The following TGFB2 variants were observed in gnomAD, a reference collection of about 807,000 sequenced individuals.
The protein encoded by TGFB2 is transforming growth factor beta 2, also known as transforming growth factor beta-2 proprotein.
In TGFB2, 13 loss-of-function variants were observed where a neutral mutation model predicts 42.7. That is an observed-to-expected ratio of 0.30 (90% CI 0.20 to 0.48). The LOEUF is 0.48. Among genes scored for constraint, TGFB2 ranks in the 20% least tolerant of loss-of-function variants. TGFB2 has a pLI of 0.99. For missense variants in TGFB2, 390 were observed against 517.5 expected, an observed-to-expected ratio of 0.75 and a Z score of 2.39; for synonymous variants, 193 against 193.6, an observed-to-expected ratio of 1.00 and a Z score of 0.03.
chr1:218,429,839 G>A (rs970346002), intron 2 of TGFB2, among the ~76,000 whole-genome samples: 1 of 152,134 alleles, frequency 6.6e-6, no homozygotes. Context: ...ACAAGTCCAA[G>A]TGTCATAAGC....
At chr1:218,383,304 A>T (rs528120077) in intron 1 of TGFB2, among the ~76,000 whole-genome samples, 1 of 152,352 alleles carries the variant, frequency 6.6e-6, no homozygotes, top group South Asian at 2.1e-4. Flanking sequence ...TCAATGCATA[A>T]TTCTACAGGA....
At position 218,381,258 on chromosome 1, in the gene TGFB2, G is replaced by GTT. The variant is rs11405199; in HGVS notation, c.347-23897_347-23896dup. Among the ~76,000 whole-genome samples, 1,075 of 137,672 alleles carry GTT rather than the reference G, an allele frequency of 7.8e-3. 6 individuals are homozygous for GTT. Among genetic ancestry groups the GTT allele is most frequent in the African/African-American group, 0.019 (694 of 37,220 alleles). The allele number at this position is 137,672 out of a possible 152,430, so 90.3% of individuals were successfully genotyped here. ...AAGGCACATTTTTGTTTTTGTTTTT[G>GTT]TTTTTTTTTTTTTTTGAGACAGAGT... On this transcript the variant is annotated intron_variant, in intron 1 of 6. Coordinates refer to ENST00000366930, the MANE Select transcript of TGFB2 (RefSeq NM_003238.6).
intron 1 of TGFB2, among the ~76,000 whole-genome samples, chr1:218,400,896 G>A (rs1456919615): frequency 4.6e-5 from 7 of 152,132 alleles, no homozygotes; most frequent in Non-Finnish European, 8.8e-5. Flanking sequence ...GCAAGGGGTA[G>A]GAGGCAGAGA....
chr1:218,421,375 T>TG (rs202100394), intron 2 of TGFB2, among the ~76,000 whole-genome samples: 7 of 64,148 alleles, frequency 1.1e-4, no homozygotes, highest in Non-Finnish European at 2.0e-4. Flanking sequence ...AAGAAGCAGT[T>TG]TTTTTTTTTT....
At chr1:218,420,225 T>C (rs1659408044) in intron 2 of TGFB2, among the ~76,000 whole-genome samples, 1 of 152,242 alleles carries the variant, frequency 6.6e-6, no homozygotes, top group South Asian at 2.1e-4. Context: ...TGCTGGGCTG[T>C]GTGGTACAGC....
chr1:218,381,716 C>T (rs1156317084), intron 1 of TGFB2, among the ~76,000 whole-genome samples: 2 of 152,080 alleles, frequency 1.3e-5, no homozygotes, highest in South Asian at 2.1e-4. Context: ...CAATTTTCTG[C>T]GATGTTCCTA....
In TGFB2 at chr1:218,437,346, T is replaced by C. The variant is rs1285760901; in HGVS notation, c.936T>C (p.Asn312=). The C allele has an allele frequency of 1.3e-6, 2 of 1,566,458 alleles. No homozygotes were observed. Among genetic ancestry groups the C allele is most frequent in the African/African-American group, 1.4e-5 (1 of 71,592 alleles). The change falls in exon 6 of 7, where the codon AAT becomes AAC. Residue 312 remains asparagine, a synonymous_variant. Transcript: ENST00000366930. ...RALDAAYCFR[N]VQDNCCLRPL... is the part of the protein sequence containing the mutation. ...TTTTTTTTTTTTTTTTTAACAGAAATGTGCAGGATAATTGCTGCCTACGTC... is the reference window on the plus strand; with the variant it reads ...TTTTTTTTTTTTTTTTTAACAGAAACGTGCAGGATAATTGCTGCCTACGTC...
chr1:218,394,125 G>T (rs926643530), intron 1 of TGFB2, among the ~76,000 whole-genome samples: 11 of 152,222 alleles, frequency 7.2e-5, no homozygotes, highest in Admixed American at 2.0e-4. Context: ...TAGCCAGGAT[G>T]GTCTCGATCT....
At chr1:218,397,567 A>AAAAAAC (rs1658565184) in intron 1 of TGFB2, among the ~76,000 whole-genome samples, 2 of 150,380 alleles carry the variant, frequency 1.3e-5, no homozygotes, top group African/African-American at 2.5e-5. Flanking sequence ...CCGTCTCAAA[A>AAAAAAC]AAAAAAAAAA....
intron 1 of TGFB2, among the ~76,000 whole-genome samples, chr1:218,356,907 CGG>C (rs1657053170): frequency 6.6e-6 from 1 of 152,164 alleles, no homozygotes; most frequent in Non-Finnish European, 1.5e-5. Context: ...TATGACATTA[CGG>C]TGTAGAAATC....
At chr1:218,365,664 A>AT (rs146829350) in intron 1 of TGFB2, among the ~76,000 whole-genome samples, 14,490 of 141,722 alleles carry the variant, frequency 0.1, 760 homozygotes, top group East Asian at 0.18. Flanking sequence ...GGGGCTCTGC[A>AT]TTTTTTTTTT....
intron 6 of TGFB2, among the ~76,000 whole-genome samples, chr1:218,440,421 C>T (rs895158543): frequency 6.6e-6 from 1 of 151,478 alleles, no homozygotes; most frequent in African/African-American, 2.4e-5. Context: ...GATTTCATTT[C>T]CTTCCTTCCT....
intron 1 of TGFB2, among the ~76,000 whole-genome samples, chr1:218,398,360 A>C (rs1200781436): frequency 5.9e-5 from 9 of 152,226 alleles, no homozygotes. Flanking sequence ...TTTGTGGTGT[A>C]ACCAATCTAA....
chr1:218,362,773 C>T (rs746353545), intron 1 of TGFB2, among the ~76,000 whole-genome samples: 12 of 152,084 alleles, frequency 7.9e-5, no homozygotes, highest in Non-Finnish European at 1.2e-4. Flanking sequence ...GTGGAAGATG[C>T]GTTTAGTCCA....
chr1:218,411,797 G>T (rs989377150), intron 2 of TGFB2, among the ~76,000 whole-genome samples: 1 of 150,188 alleles, frequency 6.7e-6, no homozygotes, highest in African/African-American at 2.5e-5. Flanking sequence ...CCCGGGAGGT[G>T]GAGGTTGCAG....
intron 1 of TGFB2, among the ~76,000 whole-genome samples, chr1:218,374,892 A>G (rs999606452): frequency 1.3e-5 from 2 of 152,176 alleles, no homozygotes; most frequent in African/African-American, 4.8e-5. Context: ...CAGCACAAGT[A>G]TTTTTAGGGC....
At chr1:218,436,658 A>T (rs939115458) in intron 5 of TGFB2, among the ~76,000 whole-genome samples, 3 of 152,186 alleles carry the variant, frequency 2.0e-5, no homozygotes, top group African/African-American at 4.8e-5. Context: ...ACATGAGTGC[A>T]TGGAGGGAGA....
rs978329367 is a variant in TGFB2 at position 218,345,360 on chromosome 1, G to A, written c.-1342G>A. ...TGATGTTATCTGCTGGCAGCAGAAG[G>A]TTCGCTCCGAGCGGAGCTCCAGAAG... On this transcript the variant is annotated 5_prime_UTR_variant, in exon 1 of 7. Transcript: ENST00000366930. 2 of 152,310 alleles carry A rather than the reference G, an allele frequency of 1.3e-5. No individual in the cohort carries two copies. The highest frequency in any genetic ancestry group is 4.8e-5 in the African/African-American group (2 of 41,460). 9.4% of individuals were successfully genotyped at this position (152,310 alleles called of 1,614,324 possible). A position where few individuals can be genotyped will look rare whatever the true frequency, so the allele number is the denominator to read the frequency against.
Position 218,396,100 on chromosome 1 carries a change from C to T in TGFB2, c.347-9069C>T, listed in dbSNP as rs868750556. Among the ~76,000 whole-genome samples the T allele has an allele frequency of 8.5e-5, 13 of 152,236 alleles. No individual in the cohort carries two copies. The East Asian group carries it at 1.5e-3, about 18-fold the overall frequency. ...TCATTCCTCTCTAGCTAGTTCATGA[C>T]GCTGAGTAACCAGAAGGGAAGCCTG... On this transcript the variant is annotated intron_variant, in intron 1 of 6. Transcript: ENST00000366930.
Sources: allele counts gnomAD v4.1 joint callset (sites outside exome capture counted in the v4.1 genomes callset), GRCh38; gene constraint gnomAD v4.1.1; transcripts MANE v1.5; gene names NCBI Gene and HGNC (gene_info 2026-07-23, HGNC 2026-07-21).